PCDH15: variants seen among roughly 807,000 people sequenced by gnomAD.
PCDH15 encodes protocadherin-15.
A neutral mutation model predicts 178.5 loss-of-function variants in PCDH15; 129 were observed. That is an observed-to-expected ratio of 0.72 (90% CI 0.63 to 0.84). The LOEUF (loss-of-function observed/expected upper bound fraction) is 0.84, where lower values mean the gene tolerates loss of function less well. PCDH15 is among the 40% of genes least tolerant of loss of function. The probability of loss-of-function intolerance (pLI) is 0.00; values close to 1 mark genes in which losing one functional copy is unlikely to be tolerated. For synonymous variants in PCDH15, 800 were observed against 732.0 expected (o/e 1.09, Z -1.50); for missense variants, 2,230 against 2,099.9 (o/e 1.06, Z -1.21).
At chr10:53,918,887 T>C (rs1411489868) in intron 25 of PCDH15, among the ~76,000 whole-genome samples, 1 of 152,188 alleles carries the variant, frequency 6.6e-6, no homozygotes, top group Non-Finnish European at 1.5e-5. Flanking sequence ...GGGCTAAAAT[T>C]AAGACGTAGC....
intron 8 of PCDH15, among the ~76,000 whole-genome samples, chr10:54,284,755 C>T (rs2058929608): frequency 6.6e-6 from 1 of 152,164 alleles, no homozygotes; most frequent in South Asian, 2.1e-4. Flanking sequence ...GCAGGCCTTC[C>T]TCATTCCAAT....
intron 3 of PCDH15, among the ~76,000 whole-genome samples, chr10:54,521,913 C>T (rs1056832777): frequency 6.6e-6 from 1 of 151,726 alleles, no homozygotes. Flanking sequence ...CACGGTGGAA[C>T]CCCATCTCTA....
chr10:55,618,105 C>T (rs2132167225), intron 2 of PCDH15, among the ~76,000 whole-genome samples: 1 of 152,078 alleles, frequency 6.6e-6, no homozygotes, highest in South Asian at 2.1e-4. Flanking sequence ...AAATACAATT[C>T]TAGAAGAATC....
At chr10:54,539,354 T>G (rs942069467) in intron 2 of PCDH15, among the ~76,000 whole-genome samples, 2 of 152,122 alleles carry the variant, frequency 1.3e-5, no homozygotes, top group Admixed American at 1.3e-4. Flanking sequence ...AAACAGCTTT[T>G]AAACCAACAA....
intron 2 of PCDH15, among the ~76,000 whole-genome samples, chr10:55,016,791 C>T (rs1387128950): frequency 6.6e-6 from 1 of 152,004 alleles, no homozygotes; most frequent in East Asian, 1.9e-4. Flanking sequence ...TCACATGAAC[C>T]AAATAATCCA....
intron 2 of PCDH15, among the ~76,000 whole-genome samples, chr10:54,577,082 TTTTAA>T (rs1372966723): frequency 1.3e-4 from 6 of 47,432 alleles, no homozygotes; most frequent in Admixed American, 1.2e-3. Context: ...CTGAAGAAAA[TTTTAA>T]TTTCTTTTTT....
intron 21 of PCDH15, among the ~76,000 whole-genome samples, chr10:53,972,660 A>C (rs2089825593): frequency 6.6e-6 from 1 of 152,254 alleles, no homozygotes; most frequent in Admixed American, 6.5e-5. Context: ...AAAAGAAGAC[A>C]TTTATGCAGC....
chr10:54,904,351 C>T (rs913298872), intron 2 of PCDH15, among the ~76,000 whole-genome samples: 1 of 151,914 alleles, frequency 6.6e-6, no homozygotes, highest in African/African-American at 2.4e-5. Context: ...CTCCATCTAA[C>T]TATACAAAGA....
chr10:55,150,811 T>C (rs1029604811), intron 2 of PCDH15, among the ~76,000 whole-genome samples: 2 of 152,068 alleles, frequency 1.3e-5, no homozygotes, highest in African/African-American at 4.8e-5. Context: ...AAGCAGTGAG[T>C]GTAATATTGT....
intron 5 of PCDH15, among the ~76,000 whole-genome samples, chr10:54,360,003 T>C (rs1272753218): frequency 6.6e-6 from 1 of 152,136 alleles, no homozygotes; most frequent in South Asian, 2.1e-4. Flanking sequence ...ATACTGAAAC[T>C]GGTCTAATCA....
intron 3 of PCDH15, among the ~76,000 whole-genome samples, chr10:54,412,201 TA>T (rs1405863781): frequency 6.6e-6 from 1 of 150,772 alleles, no homozygotes; most frequent in Non-Finnish European, 1.5e-5. Flanking sequence ...CTGATAAAAT[TA>T]AAAAATAAAT....
intron 25 of PCDH15, among the ~76,000 whole-genome samples, chr10:53,936,208 C>G (rs2085559871): frequency 6.6e-6 from 1 of 152,066 alleles, no homozygotes; most frequent in South Asian, 2.1e-4. Context: ...ACTTAACAGA[C>G]CTATCAACCA....
intron 21 of PCDH15, among the ~76,000 whole-genome samples, chr10:53,962,560 G>A (rs1291287794): frequency 2.0e-5 from 3 of 152,044 alleles, no homozygotes; most frequent in African/African-American, 7.2e-5. Context: ...AGTTAATGAC[G>A]CTAACAATTG....
chr10:54,928,719 C>T (rs1339907105), intron 2 of PCDH15, among the ~76,000 whole-genome samples: 1 of 152,102 alleles, frequency 6.6e-6, no homozygotes, highest in Non-Finnish European at 1.5e-5. Flanking sequence ...GTCTATTCTG[C>T]TACTAATATT....
intron 2 of PCDH15, among the ~76,000 whole-genome samples, chr10:55,390,294 T>G (rs753736272): frequency 6.6e-6 from 1 of 152,152 alleles, no homozygotes; most frequent in Non-Finnish European, 1.5e-5. Flanking sequence ...AATCCTAATC[T>G]TTTTTGCTTG....
In PCDH15 at chr10:54,431,590, T is replaced by C. The variant is rs117206862; in HGVS notation, c.158-52648A>G. On this transcript the variant is annotated intron_variant, in intron 3 of 37. Transcript: ENST00000644397. ...ATAAAATGTCTCAACAAACTGTGTTTAGAAGGAACTAACCTCAACACAATA... is the reference window on the plus strand; with the variant it reads ...ATAAAATGTCTCAACAAACTGTGTTCAGAAGGAACTAACCTCAACACAATA... Among the ~76,000 whole-genome samples the C allele has an allele frequency of 1.5e-3, 233 of 152,280 alleles. 2 individuals carry two copies. The East Asian group carries it at 0.039, about 26-fold the overall frequency.
At chr10:55,129,479 T>C (rs1338404045) in intron 2 of PCDH15, among the ~76,000 whole-genome samples, 1 of 152,098 alleles carries the variant, frequency 6.6e-6, no homozygotes, top group Admixed American at 6.6e-5. Flanking sequence ...TTTCCTCTCA[T>C]CTCTCTTAAT....
intron 2 of PCDH15, among the ~76,000 whole-genome samples, chr10:55,484,048 G>T (rs1840244312): frequency 6.6e-6 from 1 of 151,682 alleles, no homozygotes; most frequent in Admixed American, 6.6e-5. Context: ...ACTAACACAG[G>T]AACAGAAAAC....
At chr10:54,103,492 A>G (rs530798727) in intron 15 of PCDH15, among the ~76,000 whole-genome samples, 1 of 152,300 alleles carries the variant, frequency 6.6e-6, no homozygotes, top group South Asian at 2.1e-4. Flanking sequence ...AGAGAAGAGC[A>G]ATTATAGGGC....
Sources: gnomAD v4.1 joint callset for allele counts (sites outside exome capture counted in the v4.1 genomes callset) on GRCh38, gnomAD v4.1.1 for gene constraint, MANE v1.5 for transcripts, NCBI Gene and HGNC (gene_info 2026-07-23, HGNC 2026-07-21) for gene names.